RELB: variants seen among roughly 807,000 people sequenced by gnomAD.
RELB encodes the protein RELB proto-oncogene, NF-kB subunit.
A neutral mutation model predicts 55.4 loss-of-function variants in RELB; 14 were observed. That is an observed-to-expected ratio of 0.25 (90% CI 0.17 to 0.40). The LOEUF is 0.40. Among genes scored for constraint, RELB ranks in the 10% least tolerant of loss-of-function variants. The probability of loss-of-function intolerance (pLI) is 1.00; values close to 1 mark genes in which losing one functional copy is unlikely to be tolerated. For missense variants in RELB, 669 were observed against 830.7 expected, an observed-to-expected ratio of 0.81 and a Z score of 2.39; for synonymous variants, 409 against 371.3, an observed-to-expected ratio of 1.10 and a Z score of -1.17.
chr19:45,022,697 G>A (rs1193563937), intron 5 of RELB, among the ~76,000 whole-genome samples: 3 of 151,728 alleles, frequency 2.0e-5, no homozygotes, highest in African/African-American at 7.3e-5. Flanking sequence ...ACAGGCATGC[G>A]ACACTACACC....
At chr19:45,023,708 G>C in intron 5 of RELB, among the ~76,000 whole-genome samples, 1 of 143,330 alleles carries the variant, frequency 7.0e-6, no homozygotes, top group African/African-American at 2.6e-5. Flanking sequence ...AAAGTGCTGG[G>C]ATTACAGGTG....
intron 4 of RELB, among the ~76,000 whole-genome samples, chr19:45,018,372 C>T (rs533986385): frequency 6.1e-4 from 93 of 151,818 alleles, no homozygotes; most frequent in African/African-American, 2.2e-3. Context: ...CCACTGCACC[C>T]CAGCCTGGCC....
At chr19:45,031,354 G>T (rs917369740) in intron 8 of RELB, among the ~76,000 whole-genome samples, 2 of 151,936 alleles carry the variant, frequency 1.3e-5, no homozygotes, top group African/African-American at 4.8e-5. Flanking sequence ...TGAACTCCTG[G>T]CCTCAAGTGA....
intron 4 of RELB, among the ~76,000 whole-genome samples, chr19:45,018,707 G>A (rs1255453611): frequency 1.3e-5 from 2 of 148,480 alleles, no homozygotes; most frequent in Non-Finnish European, 3.0e-5. Context: ...ACAGAGTTTC[G>A]CTCTTGTTGC....
intron 8 of RELB, among the ~76,000 whole-genome samples, chr19:45,029,576 G>T (rs34491117): frequency 0.021 from 3,145 of 151,848 alleles, 110 homozygotes; most frequent in African/African-American, 0.072. Context: ...AGGGCTGGGC[G>T]CAGTGGCTCA....
At chr19:45,005,517 C>T (rs1028375384) in intron 2 of RELB, among the ~76,000 whole-genome samples, 2 of 152,080 alleles carry the variant, frequency 1.3e-5, no homozygotes, top group African/African-American at 2.4e-5. Flanking sequence ...GAAGTGAGGC[C>T]GGTTCCCCAA....
chr19:45,012,312 G>C, intron 4 of RELB, 36 bp downstream of exon 4: 1 of 1,318,522 alleles, frequency 7.6e-7, no homozygotes, highest in South Asian at 1.9e-5. Context: ...GGGTGGGACT[G>C]GGGCTTCCCC....
chr19:45,029,088 C>G, intron 8 of RELB, 96 bp downstream of exon 8: 1 of 843,786 alleles, frequency 1.2e-6, no homozygotes, highest in African/African-American at 1.7e-5. Context: ...TGAGAAAGAG[C>G]TGGTTAACCA....
At chr19:45,009,363 G>C (rs1009471450) in intron 2 of RELB, among the ~76,000 whole-genome samples, 5 of 152,140 alleles carry the variant, frequency 3.3e-5, no homozygotes, top group Non-Finnish European at 5.9e-5. Flanking sequence ...TTACAGGCGT[G>C]AGCCACCAGG....
intron 8 of RELB, among the ~76,000 whole-genome samples, chr19:45,031,823 G>A (rs938091973): frequency 2.0e-5 from 3 of 151,452 alleles, no homozygotes; most frequent in Non-Finnish European, 4.4e-5. Flanking sequence ...TGATCCGCCT[G>A]CCTCGGCCTC....
intron 4 of RELB, among the ~76,000 whole-genome samples, chr19:45,013,236 G>A (rs1007172021): frequency 1.3e-5 from 2 of 151,862 alleles, no homozygotes; most frequent in Non-Finnish European, 2.9e-5. Context: ...CCACCTCCCG[G>A]GTTCAAGCGA....
chr19:45,027,132 C>G (rs1971567751), intron 7 of RELB, among the ~76,000 whole-genome samples: 1 of 151,216 alleles, frequency 6.6e-6, no homozygotes, highest in African/African-American at 2.4e-5. Flanking sequence ...ACTCAGGAGG[C>G]TGAGGCAGGA....
chr19:45,019,822 C>T (rs1045169948), intron 4 of RELB, among the ~76,000 whole-genome samples: 2 of 152,084 alleles, frequency 1.3e-5, no homozygotes, highest in Admixed American at 1.3e-4. Flanking sequence ...GGACTACAGG[C>T]ATGTGCCACC....
At chr19:45,021,493 A>G (rs1971487653) in intron 4 of RELB, among the ~76,000 whole-genome samples, 1 of 151,300 alleles carries the variant, frequency 6.6e-6, no homozygotes, top group South Asian at 2.1e-4. Context: ...TGGCCTAAAA[A>G]AGCAGCCTGT....
rs774976152 is a variant in RELB at position 45,025,420 on chromosome 19, G to A, written c.754G>A (p.Ala252Thr). 12 of 1,610,108 alleles carry A rather than the reference G, an allele frequency of 7.5e-6. No homozygotes were observed. The highest frequency in any genetic ancestry group is 5.1e-5 in the Admixed American group (3 of 59,218). The change falls in exon 6 of 12, where the codon GCT becomes ACT. Residue 252 changes from alanine (A) to threonine (T), a missense_variant and splice_region_variant. Ala to Thr is a moderately conservative substitution (Grantham distance 58). Coordinates refer to ENST00000221452, the MANE Select transcript of RELB (RefSeq NM_006509.4). ...TCAACTGGGCATTGACCCCTACAACGGTGAGCACCCCCTGCCTGACCTGAC... is the reference window on the plus strand; with the variant it reads ...TCAACTGGGCATTGACCCCTACAACAGTGAGCACCCCCTGCCTGACCTGAC... The part of the protein sequence containing the change: ...KIQLGIDPYN[A>T]GSLKNHQEVD...
In RELB at chr19:45,009,838, C is replaced by A; in HGVS notation, c.163+16C>A. The A allele has an allele frequency of 6.3e-7, 1 of 1,597,262 alleles. No homozygotes were observed. The highest frequency in any genetic ancestry group is 8.5e-7 in the Non-Finnish European group (1 of 1,178,890). On this transcript the variant is annotated intron_variant, in intron 3 of 11. Transcript: ENST00000221452. Reference sequence around the variant, plus strand: ...GATGAATTGGGTGAGTATCACAGGGCAGGTTTGCGGGGAGGCTGAGGGACC... The same window carrying A: ...GATGAATTGGGTGAGTATCACAGGGAAGGTTTGCGGGGAGGCTGAGGGACC...
intron 4 of RELB, among the ~76,000 whole-genome samples, chr19:45,020,553 C>CTTTTTTTT (rs34030158): frequency 4.6e-5 from 4 of 86,554 alleles, no homozygotes; most frequent in East Asian, 3.7e-4. Flanking sequence ...TGGCACCCAT[C>CTTTTTTTT]TTTTTTTTTT....
chr19:45,029,849 C>CA (rs1389844331), intron 8 of RELB, among the ~76,000 whole-genome samples: 7 of 150,526 alleles, frequency 4.7e-5, no homozygotes, highest in Non-Finnish European at 7.4e-5. Flanking sequence ...AGCTCTGTCT[C>CA]AAAAAAAAGA....
chr19:45,011,756 C>CTGTGTGTGTGTGTGTGTGTG (rs199579874), intron 3 of RELB, among the ~76,000 whole-genome samples, 180 bp from the exon 4 acceptor site: 2 of 59,896 alleles, frequency 3.3e-5, no homozygotes, highest in Admixed American at 5.0e-4. Flanking sequence ...CTCCCTGACT[C>CTGTGTGTGTGTGTGTGTGTG]TGTGTGTGTG....
Sources: allele counts gnomAD v4.1 joint callset (sites outside exome capture counted in the v4.1 genomes callset), GRCh38; gene constraint gnomAD v4.1.1; transcripts MANE v1.5; gene names NCBI Gene and HGNC (gene_info 2026-07-23, HGNC 2026-07-21).